The following RHBDL3 variants were observed in gnomAD, a reference collection of about 807,000 sequenced individuals.
RHBDL3 encodes the protein rhomboid-related protein 3.
In RHBDL3, 28 loss-of-function variants were observed where a neutral mutation model predicts 48.2. The ratio of observed to expected loss-of-function variants is 0.58; its 90% CI spans 0.43 to 0.80. The LOEUF (loss-of-function observed/expected upper bound fraction) is 0.80, where lower values mean the gene tolerates loss of function less well. RHBDL3 is among the 30% of genes least tolerant of loss of function. The pLI, the probability that RHBDL3 is intolerant of heterozygous loss-of-function variation, is 0.00. For synonymous variants in RHBDL3, 208 were observed against 232.3 expected, an observed-to-expected ratio of 0.90 and a Z score of 0.95; for missense variants, 464 against 542.7, an observed-to-expected ratio of 0.85 and a Z score of 1.44.
intron 6 of RHBDL3, among the ~76,000 whole-genome samples, chr17:32,301,838 G>T (rs1180254551): frequency 6.6e-6 from 1 of 151,844 alleles, no homozygotes; most frequent in Non-Finnish European, 1.5e-5. Context: ...AAAAAGGAAA[G>T]ATACGTAAAT....
Position 32,267,936 on chromosome 17 carries a change from A to T in RHBDL3, c.135+11A>T. 6.3e-7 allele frequency: 1 copy of T among 1,596,594 alleles called. No individual in the cohort carries two copies. The highest frequency in any genetic ancestry group is 1.1e-5 in the South Asian group (1 of 90,718). ...GTCCTGTTTGATCAGGTATGTGAGC[A>T]GTTAACCCCCCATTTCCTTCCAGCC... is the stretch of plus-strand genomic sequence containing the variant. On this transcript the variant is annotated intron_variant, in intron 2 of 8. Coordinates refer to ENST00000269051, the MANE Select transcript of RHBDL3 (RefSeq NM_138328.3).
intron 3 of RHBDL3, 59 bp from the exon 4 acceptor site, chr17:32,288,731 TGG>T: frequency 7.8e-7 from 1 of 1,274,320 alleles, no homozygotes; most frequent in Non-Finnish European, 1.1e-6. Flanking sequence ...GGCTGGGAAG[TGG>T]GTGGGGAGCT....
Position 32,322,807 on chromosome 17 carries a change from C to T in RHBDL3, c.*1578C>T, listed in dbSNP as rs1001365258. The T allele has an allele frequency of 6.6e-6, 1 of 152,310 alleles. No homozygotes were observed. Among genetic ancestry groups the T allele is most frequent in the African/African-American group, 2.4e-5 (1 of 41,442 alleles). 9.4% of individuals were successfully genotyped at this position (152,310 alleles called of 1,614,324 possible). The stretch of plus-strand genomic sequence containing the variant: ...CCCCGAATGGAGGGCATGAGGATGA[C>T]CTTTGACAAAAGATGACACTCCCTT... On this transcript the variant is annotated 3_prime_UTR_variant, in exon 9 of 9. Coordinates refer to ENST00000269051, the MANE Select transcript of RHBDL3 (RefSeq NM_138328.3).
intron 7 of RHBDL3, 25 bp downstream of exon 7, chr17:32,305,466 G>A: frequency 1.3e-6 from 2 of 1,490,376 alleles, no homozygotes; most frequent in East Asian, 2.3e-5. Flanking sequence ...TTCTCAATGT[G>A]TCTTTCTGGC....
chr17:32,271,411 T>C (rs2039771662), intron 2 of RHBDL3, among the ~76,000 whole-genome samples: 1 of 152,254 alleles, frequency 6.6e-6, no homozygotes, highest in South Asian at 2.1e-4. Context: ...TAGTTATCGC[T>C]TTACATCTGT....
chr17:32,313,933 A>G (rs1323944073), intron 7 of RHBDL3, among the ~76,000 whole-genome samples: 2 of 151,420 alleles, frequency 1.3e-5, no homozygotes, highest in African/African-American at 4.9e-5. Context: ...ATTTTTTTGT[A>G]TTTTTAGTAG....
intron 8 of RHBDL3, 118 bp from the exon 9 acceptor site, chr17:32,320,840 T>G: frequency 1.4e-6 from 1 of 708,406 alleles, no homozygotes; most frequent in Non-Finnish European, 2.4e-6. Flanking sequence ...GTGTCCCCAG[T>G]GCAGAGAATG....
At chr17:32,282,308 T>G (rs929078239) in intron 2 of RHBDL3, among the ~76,000 whole-genome samples, 2 of 152,192 alleles carry the variant, frequency 1.3e-5, no homozygotes, top group African/African-American at 4.8e-5. Context: ...AGCTCATGCC[T>G]GTAATCCCAG....
intron 7 of RHBDL3, among the ~76,000 whole-genome samples, chr17:32,310,863 G>A (rs1011582506): frequency 2.1e-5 from 3 of 142,180 alleles, no homozygotes; most frequent in Non-Finnish European, 3.0e-5. Flanking sequence ...CAGCCTGGGC[G>A]ACAGAGTCAG....
Position 32,289,142 on chromosome 17 carries a change from G to C in RHBDL3, c.519+126G>C, listed in dbSNP as rs535986169. On this transcript the variant is annotated intron_variant, in intron 4 of 8. Transcript: ENST00000269051. ...CATTTCTTTTCCATTGAAGGGCAAT[G>C]GTTGAGGATCAAATAATAGTTGTAT... The C allele has an allele frequency of 1.4e-5, 10 of 729,600 alleles. No homozygotes were observed. The South Asian group carries it at 1.7e-4, about 13-fold the overall frequency. 45.2% of individuals were successfully genotyped at this position (729,600 alleles called of 1,614,324 possible).
intron 5 of RHBDL3, among the ~76,000 whole-genome samples, chr17:32,296,818 T>G (rs1301674988): frequency 1.4e-5 from 2 of 146,312 alleles, no homozygotes; most frequent in Non-Finnish European, 3.0e-5. Context: ...TTATTTTATT[T>G]TATTTTATTT....
intron 5 of RHBDL3, among the ~76,000 whole-genome samples, chr17:32,297,603 T>G (rs917703736): frequency 1.4e-5 from 2 of 147,268 alleles, no homozygotes; most frequent in African/African-American, 2.5e-5. Flanking sequence ...GGCTGGTCAC[T>G]ATCTCTGAAC....
chr17:32,301,233 T>C (rs1470608801), intron 6 of RHBDL3, among the ~76,000 whole-genome samples: 1 of 151,918 alleles, frequency 6.6e-6, no homozygotes, highest in Non-Finnish European at 1.5e-5. Context: ...AAATCACTTA[T>C]GGCTAGCAAT....
rs1366803106 is a variant in RHBDL3, at chr17:32,323,212, T to TGTGG, written c.*1984_*1987dup. 6.6e-6 allele frequency: 1 copy of TGTGG among 152,500 alleles called. No individual in the cohort carries two copies. Among genetic ancestry groups the TGTGG allele is most frequent in the Non-Finnish European group, 1.5e-5 (1 of 68,226 alleles). The allele number at this position is 152,500 out of a possible 1,614,324, so 9.4% of individuals were successfully genotyped here. ...CAGTGCCATGCTGAGGGCCGCAGCC[T>TGTGG]GTGGCACTGTGGGCCCACGCCTTTG... On this transcript the variant is annotated 3_prime_UTR_variant, in exon 9 of 9. Coordinates refer to ENST00000269051, the MANE Select transcript of RHBDL3 (RefSeq NM_138328.3).
chr17:32,290,274 T>C (rs2040296908), intron 4 of RHBDL3, among the ~76,000 whole-genome samples: 1 of 152,196 alleles, frequency 6.6e-6, no homozygotes, highest in Non-Finnish European at 1.5e-5. Flanking sequence ...GCTCTTTGTG[T>C]ATAGTTTATC....
In RHBDL3 at chr17:32,294,128, CA is replaced by C. The variant is rs34051934; in HGVS notation, c.520-149del. On this transcript the variant is annotated intron_variant, in intron 4 of 8. Coordinates refer to ENST00000269051, the MANE Select transcript of RHBDL3 (RefSeq NM_138328.3). ...GGACAACAAGAGCGAAACTCCATCT[CA>C]AAAAAAAAAAAAAAAACTCAGTTGG... Among the ~76,000 whole-genome samples the C allele has an allele frequency of 1.7e-3, 185 of 107,660 alleles. 1 individual carries two copies. The highest frequency in any genetic ancestry group is 4.7e-3 in the Admixed American group (46 of 9,768). 70.6% of individuals were successfully genotyped at this position (107,660 alleles called of 152,430 possible).
At chr17:32,266,334 A>AG (rs770920924) in intron 1 of RHBDL3, 34 bp downstream of exon 1, 8 of 1,218,614 alleles carry the variant, frequency 6.6e-6, no homozygotes, top group South Asian at 5.9e-5. Context: ...CAAACTTTCT[A>AG]GGGGGCGCCG....
At chr17:32,293,665 G>A (rs2150723636) in intron 4 of RHBDL3, among the ~76,000 whole-genome samples, 1 of 152,162 alleles carries the variant, frequency 6.6e-6, no homozygotes, top group South Asian at 2.1e-4. Context: ...AAGCTATGTG[G>A]AATTCGTCAT....
chr17:32,310,719 ATATATATAT>A (rs2040825692), intron 7 of RHBDL3, among the ~76,000 whole-genome samples: 1 of 100,094 alleles, frequency 1.0e-5, no homozygotes, highest in Admixed American at 9.4e-5. Context: ...TCTAAAAAAA[ATATATATAT>A]AAAAAATTAG....
Sources: gnomAD v4.1 joint callset for allele counts (sites outside exome capture counted in the v4.1 genomes callset) on GRCh38, gnomAD v4.1.1 for gene constraint, MANE v1.5 for transcripts, NCBI Gene and HGNC (gene_info 2026-07-23, HGNC 2026-07-21) for gene names.